Variants in NALCN observed in about 807,000 individuals in gnomAD.
The protein encoded by NALCN is sodium leak channel NALCN.
A neutral mutation model predicts 225.3 loss-of-function variants in NALCN; 111 were observed. The ratio of observed to expected loss-of-function variants is 0.49; its 90% CI spans 0.42 to 0.58. The LOEUF (loss-of-function observed/expected upper bound fraction) is 0.58. Among genes scored for constraint, NALCN ranks in the 20% least tolerant of loss-of-function variants. NALCN has a pLI of 0.00. For missense variants in NALCN, 1,378 were observed against 2,202.4 expected, an observed-to-expected ratio of 0.63 and a Z score of 7.49; for synonymous variants, 764 against 769.0, an observed-to-expected ratio of 0.99 and a Z score of 0.11.
intron 27 of NALCN, among the ~76,000 whole-genome samples, chr13:101,096,687 T>C (rs2034524875): frequency 6.6e-6 from 1 of 152,170 alleles, no homozygotes; most frequent in Non-Finnish European, 1.5e-5. Flanking sequence ...AACCATTGAA[T>C]TGAACACTTG....
intron 16 of NALCN, among the ~76,000 whole-genome samples, chr13:101,143,772 T>C (rs953068006): frequency 6.6e-6 from 1 of 152,328 alleles, no homozygotes; most frequent in South Asian, 2.1e-4. Context: ...CCCAGTTTTT[T>C]GAATCTTATT....
At chr13:101,196,296 A>G (rs1013587014) in intron 13 of NALCN, among the ~76,000 whole-genome samples, 18 of 152,190 alleles carry the variant, frequency 1.2e-4, no homozygotes, top group African/African-American at 3.6e-4. Flanking sequence ...CTCACACATT[A>G]CACTTATCAT....
At chr13:101,111,084 T>A in intron 19 of NALCN, 41 bp downstream of exon 19, 1 of 1,574,738 alleles carries the variant, frequency 6.4e-7, no homozygotes, top group Non-Finnish European at 8.7e-7. Flanking sequence ...AAAACCCCCC[T>A]TTTTTAGAGT....
At chr13:101,373,958 A>G (rs1356755122) in intron 6 of NALCN, among the ~76,000 whole-genome samples, 1 of 152,162 alleles carries the variant, frequency 6.6e-6, no homozygotes, top group Non-Finnish European at 1.5e-5. Flanking sequence ...CAAAATCTCA[A>G]TAAAGTGGTT....
chr13:101,380,304 T>C (rs1050124300), intron 3 of NALCN, among the ~76,000 whole-genome samples: 11 of 152,182 alleles, frequency 7.2e-5, no homozygotes, highest in Non-Finnish European at 1.3e-4. Context: ...TAATTTTAAT[T>C]GGGATTGCAT....
At chr13:101,413,588 T>A (rs551067643) in intron 1 of NALCN, among the ~76,000 whole-genome samples, 2 of 152,212 alleles carry the variant, frequency 1.3e-5, no homozygotes, top group South Asian at 4.1e-4. Context: ...AGTTGTCCAA[T>A]GCCACGATGA....
intron 6 of NALCN, among the ~76,000 whole-genome samples, chr13:101,346,087 C>CTCTCTCTCTCTCTCTCTCTATATATATA: frequency 3.9e-4 from 28 of 70,956 alleles, no homozygotes; most frequent in Non-Finnish European, 5.9e-4. Context: ...CTCTCTCTCT[C>CTCTCTCTCTCTCTCTCTCTATATATATA]TATATATATA....
At chr13:101,130,398 C>T (rs1488393331) in intron 17 of NALCN, among the ~76,000 whole-genome samples, 2 of 152,200 alleles carry the variant, frequency 1.3e-5, no homozygotes. Context: ...TTTCACTCTT[C>T]ATGTTGTCCT....
chr13:101,131,128 T>C (rs1303883468), intron 17 of NALCN, among the ~76,000 whole-genome samples: 1 of 152,172 alleles, frequency 6.6e-6, no homozygotes, highest in East Asian at 1.9e-4. Context: ...TTCATTGCTT[T>C]AATTTATAAC....
At chr13:101,258,616 C>A (rs1354163078) in intron 10 of NALCN, 42 bp from the exon 11 acceptor site, 1 of 1,612,722 alleles carries the variant, frequency 6.2e-7, no homozygotes, top group Non-Finnish European at 8.5e-7. Flanking sequence ...AAGAAATAAA[C>A]CTCATGATTA....
intron 18 of NALCN, among the ~76,000 whole-genome samples, chr13:101,112,523 C>G (rs1316946818): frequency 6.6e-6 from 1 of 152,180 alleles, no homozygotes; most frequent in Admixed American, 6.5e-5. Context: ...ATTAAAAGAC[C>G]TGTGTGCCAG....
At position 101,089,781 on chromosome 13, in the gene NALCN, G is replaced by T; in HGVS notation, c.3391-20C>A. 6.2e-7 allele frequency: 1 copy of T among 1,613,904 alleles called. No homozygotes were observed. Among genetic ancestry groups the T allele is most frequent in the Non-Finnish European group, 8.5e-7 (1 of 1,179,882 alleles). ...ATGGATCTGCATAAAGGAAAATATG[G>T]TTATTCATCAAAACAAATGAAAGCT... On this transcript the variant is annotated intron_variant, in intron 29 of 43. Coordinates refer to ENST00000251127, the MANE Select transcript of NALCN (RefSeq NM_052867.4). This position sits in a 1 kb window ranked among gnomAD's most constrained non-coding sequence, Gnocchi z 4.7.
At chr13:101,344,575 A>C (rs2045656481) in intron 7 of NALCN, among the ~76,000 whole-genome samples, 1 of 151,770 alleles carries the variant, frequency 6.6e-6, no homozygotes, top group Admixed American at 6.6e-5. Flanking sequence ...TTGGAATTAT[A>C]CATTTTTTGC....
intron 1 of NALCN, among the ~76,000 whole-genome samples, chr13:101,401,357 T>C (rs2047473860): frequency 6.6e-6 from 1 of 152,170 alleles, no homozygotes; most frequent in African/African-American, 2.4e-5. Context: ...GAGATGCCTC[T>C]TCAATGACAG....
At chr13:101,172,772 T>C (rs1363576785) in intron 15 of NALCN, among the ~76,000 whole-genome samples, 1 of 152,124 alleles carries the variant, frequency 6.6e-6, no homozygotes, top group African/African-American at 2.4e-5. Flanking sequence ...TTTCACCGTG[T>C]TAGCCAGGAT....
At chr13:101,204,633 A>G (rs2040245484) in intron 13 of NALCN, among the ~76,000 whole-genome samples, 1 of 151,712 alleles carries the variant, frequency 6.6e-6, no homozygotes, top group Non-Finnish European at 1.5e-5. Context: ...AGAGTAAAAG[A>G]AAAAAAAAGT....
At chr13:101,379,738 T>C (rs1245664149) in intron 3 of NALCN, among the ~76,000 whole-genome samples, 2 of 152,038 alleles carry the variant, frequency 1.3e-5, no homozygotes, top group African/African-American at 4.8e-5. Flanking sequence ...AGGAGAGGGA[T>C]AGCATTAGGA....
chr13:101,249,728 T>C (rs967327445), intron 11 of NALCN, among the ~76,000 whole-genome samples: 1 of 152,086 alleles, frequency 6.6e-6, no homozygotes, highest in African/African-American at 2.4e-5. Context: ...CTTGGCAACC[T>C]AGAAATAGAA....
intron 10 of NALCN, among the ~76,000 whole-genome samples, chr13:101,275,880 G>A (rs562577773): frequency 5.3e-5 from 8 of 151,852 alleles, no homozygotes; most frequent in East Asian, 1.9e-4. Context: ...CCTGGCCAAC[G>A]TGGTGAAACC....
Sources: gnomAD v4.1 joint callset for allele counts (sites outside exome capture counted in the v4.1 genomes callset) on GRCh38, gnomAD v4.1.1 for gene constraint, Gnocchi (gnomAD v3.1) non-coding constraint, MANE v1.5 for transcripts, NCBI Gene and HGNC (gene_info 2026-07-23, HGNC 2026-07-21) for gene names.